The following CNTNAP5 variants were observed in gnomAD, a reference collection of about 807,000 sequenced individuals.
CNTNAP5 encodes contactin associated protein family member 5.
In CNTNAP5, 72 loss-of-function variants were observed where a neutral mutation model predicts 150.2. The ratio of observed to expected loss-of-function variants is 0.48; its 90% CI spans 0.40 to 0.58. The LOEUF is 0.58. CNTNAP5 is among the 20% of genes least tolerant of loss of function. The pLI, the probability that CNTNAP5 is intolerant of heterozygous loss-of-function variation, is 0.00. For missense variants in CNTNAP5, 1,636 were observed against 1,626.2 expected, an observed-to-expected ratio of 1.01 and a Z score of -0.10; for synonymous variants, 672 against 619.8, an observed-to-expected ratio of 1.08 and a Z score of -1.25.
intron 12 of CNTNAP5, among the ~76,000 whole-genome samples, chr2:124,645,793 A>G (rs1358664689): frequency 6.6e-6 from 1 of 152,190 alleles, no homozygotes; most frequent in African/African-American, 2.4e-5. Flanking sequence ...TGCAGGATGT[A>G]CAGGAAGCAT....
chr2:124,402,969 G>A (rs1399940079), intron 3 of CNTNAP5, among the ~76,000 whole-genome samples: 1 of 152,184 alleles, frequency 6.6e-6, no homozygotes. Flanking sequence ...TTGGAACTTT[G>A]AAGGCTGAAT....
At chr2:124,448,701 TA>T (rs1271809370) in intron 6 of CNTNAP5, among the ~76,000 whole-genome samples, 52 of 152,154 alleles carry the variant, frequency 3.4e-4, no homozygotes, top group African/African-American at 1.2e-3. Flanking sequence ...TAAAGGGTTG[TA>T]AAGGCAATAA....
chr2:124,892,101 G>A (rs900361459), intron 21 of CNTNAP5, among the ~76,000 whole-genome samples: 3 of 151,918 alleles, frequency 2.0e-5, no homozygotes, highest in Admixed American at 6.6e-5. Context: ...TACCAACCTT[G>A]GACTGCCTAA....
intron 12 of CNTNAP5, among the ~76,000 whole-genome samples, chr2:124,636,657 T>C (rs556558763): frequency 1.3e-5 from 2 of 152,254 alleles, no homozygotes; most frequent in African/African-American, 4.8e-5. Context: ...TGTGTGTCTG[T>C]GTGTGTCTGT....
intron 7 of CNTNAP5, among the ~76,000 whole-genome samples, chr2:124,475,403 G>C (rs1056836650): frequency 6.6e-6 from 1 of 152,078 alleles, no homozygotes; most frequent in Non-Finnish European, 1.5e-5. Flanking sequence ...TGAGTTTCAT[G>C]AGGGTCAGGA....
At chr2:124,231,885 A>G (rs756945159) in intron 2 of CNTNAP5, among the ~76,000 whole-genome samples, 1 of 152,096 alleles carries the variant, frequency 6.6e-6, no homozygotes, top group Non-Finnish European at 1.5e-5. Context: ...GGAGGAGGAG[A>G]AGGAAAGGGA....
intron 13 of CNTNAP5, among the ~76,000 whole-genome samples, chr2:124,665,885 C>CA (rs34611958): frequency 0.3 from 42,898 of 142,170 alleles, 7,133 homozygotes; most frequent in Non-Finnish European, 0.39. Flanking sequence ...GACTCCGTCT[C>CA]AAAAAAAAAA....
intron 14 of CNTNAP5, among the ~76,000 whole-genome samples, chr2:124,758,302 C>G (rs1006972610): frequency 6.6e-6 from 1 of 152,232 alleles, no homozygotes. Context: ...AGTTGAGTGA[C>G]AGACAGGTGG....
At chr2:124,606,588 C>T (rs553192841) in intron 11 of CNTNAP5, among the ~76,000 whole-genome samples, 1 of 152,130 alleles carries the variant, frequency 6.6e-6, no homozygotes, top group Non-Finnish European at 1.5e-5. Context: ...TAAAAACATA[C>T]CTGAGACTGC....
At chr2:124,160,115 T>C (rs1271722689) in intron 1 of CNTNAP5, among the ~76,000 whole-genome samples, 1 of 152,128 alleles carries the variant, frequency 6.6e-6, no homozygotes, top group Non-Finnish European at 1.5e-5. Flanking sequence ...GTATCTGCAG[T>C]CACTAAGCTG....
In CNTNAP5 at chr2:124,210,727, T is replaced by G. The variant is rs114310896; in HGVS notation, c.83-10978T>G. Among the ~76,000 whole-genome samples, 1,184 of 152,314 alleles carry G rather than the reference T, an allele frequency of 7.8e-3. 16 individuals carry two copies. The highest frequency in any genetic ancestry group is 0.026 in the African/African-American group (1,097 of 41,560). On this transcript the variant is annotated intron_variant, in intron 1 of 23. Transcript: ENST00000682447. ...TTGCCCAAAACAGTATTTCCTTGTTTTTATTTCATTTTGTTTTTAAACTAT... is the reference window on the plus strand; with the variant it reads ...TTGCCCAAAACAGTATTTCCTTGTTGTTATTTCATTTTGTTTTTAAACTAT...
chr2:124,766,145 G>T lies in CNTNAP5; in HGVS notation c.2533+1998G>T, dbSNP rs71428162. 2.6e-5 allele frequency among the ~76,000 whole-genome samples: 4 copies of T among 151,880 alleles called. No individual in the cohort carries two copies. In the South Asian group the frequency reaches 8.3e-4, roughly 31 times the overall value. On this transcript the variant is annotated intron_variant, in intron 16 of 23. Transcript: ENST00000682447. The stretch of plus-strand genomic sequence containing the variant: ...ACGTTTGCTATTTTTTTGGTTCTCT[G>T]CATGCAGCACACTTTTTATTGCTTA...
chr2:124,774,218 T>A (rs182455861), intron 17 of CNTNAP5, among the ~76,000 whole-genome samples: 40 of 152,208 alleles, frequency 2.6e-4, no homozygotes, highest in African/African-American at 5.5e-4. Context: ...TTATTTATTT[T>A]TTTTTTGCCA....
At chr2:124,231,362 A>G (rs1379462512) in intron 2 of CNTNAP5, among the ~76,000 whole-genome samples, 1 of 152,124 alleles carries the variant, frequency 6.6e-6, no homozygotes, top group African/African-American at 2.4e-5. Context: ...ATTTTTTAAG[A>G]TGGAGAAACA....
At chr2:124,196,402 T>C (rs1685586563) in intron 1 of CNTNAP5, among the ~76,000 whole-genome samples, 1 of 152,162 alleles carries the variant, frequency 6.6e-6, no homozygotes, top group Non-Finnish European at 1.5e-5. Flanking sequence ...GAGGGTTAAA[T>C]GCCCAATTTC....
At chr2:124,602,503 T>C (rs1167960141) in intron 11 of CNTNAP5, among the ~76,000 whole-genome samples, 1 of 152,094 alleles carries the variant, frequency 6.6e-6, no homozygotes, top group Non-Finnish European at 1.5e-5. Context: ...GTTTGTGTTT[T>C]TTTAAACTGA....
chr2:124,263,102 A>G (rs540927481), intron 3 of CNTNAP5, among the ~76,000 whole-genome samples: 38 of 152,292 alleles, frequency 2.5e-4, no homozygotes, highest in African/African-American at 9.1e-4. Flanking sequence ...TAGTGCCACA[A>G]TAAACATACG....
chr2:124,872,995 C>T (rs555635978), intron 21 of CNTNAP5, among the ~76,000 whole-genome samples: 17 of 152,152 alleles, frequency 1.1e-4, no homozygotes, highest in African/African-American at 4.1e-4. Context: ...AGGAGGAATA[C>T]TGTATTAGTC....
intron 3 of CNTNAP5, among the ~76,000 whole-genome samples, chr2:124,388,442 A>G (rs1042638021): frequency 6.6e-6 from 1 of 152,170 alleles, no homozygotes; most frequent in Non-Finnish European, 1.5e-5. Context: ...TGCGGGCTCT[A>G]GCCTTCCCAT....
Sources: allele counts gnomAD v4.1 joint callset (sites outside exome capture counted in the v4.1 genomes callset), GRCh38; gene constraint gnomAD v4.1.1; transcripts MANE v1.5; gene names NCBI Gene and HGNC (gene_info 2026-07-23, HGNC 2026-07-21).